The following HAL variants were observed in gnomAD, a reference collection of about 807,000 sequenced individuals.
HAL encodes the protein histidase.
A neutral mutation model predicts 81.1 loss-of-function variants in HAL; 85 were observed. That is an observed-to-expected ratio of 1.05 (90% CI 0.88 to 1.25). The LOEUF (loss-of-function observed/expected upper bound fraction) is 1.25, where lower values mean the gene tolerates loss of function less well. Ranked by LOEUF, HAL falls within the 50% of genes most tolerant of loss-of-function variation. The pLI, the probability that HAL is intolerant of heterozygous loss-of-function variation, is 0.00. For missense variants in HAL, 798 were observed against 836.6 expected (o/e 0.95, Z 0.57); for synonymous variants, 301 against 309.2 (o/e 0.97, Z 0.28).
chr12:95,976,754 T>C, intron 18 of HAL, 48 bp from the exon 19 acceptor site: 1 of 1,210,404 alleles, frequency 8.3e-7, no homozygotes, highest in Non-Finnish European at 1.2e-6. Flanking sequence ...TCTGACTTCA[T>C]GCTTAAGGAA....
intron 3 of HAL, 41 bp from the exon 4 acceptor site, chr12:95,994,866 A>C (rs888721149): frequency 6.3e-5 from 101 of 1,611,834 alleles, no homozygotes; most frequent in Admixed American, 1.5e-4. Context: ...GTGTGGAAAA[A>C]CCCCCAGCCC....
rs1314011240 is a variant in HAL at position 95,974,276 on chromosome 12, G to T, written c.1930C>A (p.Leu644Met). 10 of 1,613,862 alleles carry T rather than the reference G, an allele frequency of 6.2e-6. No homozygotes were observed. The highest frequency in any genetic ancestry group is 1.3e-5 in the African/African-American group (1 of 74,924). The change falls in exon 21 of 21, where the codon CTG becomes ATG. Residue 644 changes from leucine to methionine, a missense_variant. By Grantham distance (15) the Leu-to-Met change is conservative. Coordinates refer to ENST00000261208, the MANE Select transcript of HAL (RefSeq NM_002108.4). The stretch of plus-strand genomic sequence containing the variant: ...GGGATTTTGGTGGATTTCTTGTGCA[G>T]AAATTGCAGTGAAAAGGCTGTTGGA... Reference protein sequence around the residue: ...LSPTAFSLQFLHKKSTKIPES... With the variant: ...LSPTAFSLQFMHKKSTKIPES...
Position 95,986,084 on chromosome 12 carries a change from G to T in HAL, c.1128C>A (p.His376Gln). 6.2e-7 allele frequency: 1 copy of T among 1,611,494 alleles called. No homozygotes were observed. Among genetic ancestry groups the T allele is most frequent in the African/African-American group, 1.3e-5 (1 of 74,970 alleles). ...TCAGACCTGCTATTTCTGATGGGTG[G>T]TGATCTGAGTCCAAGAGTGACCGAA... is the stretch of plus-strand genomic sequence containing the variant. ...FRFRSLLDSD[H>Q]HPSEIAESHR... Residue 376 changes from histidine to glutamine, a missense_variant, in exon 13 of 21, where the codon CAC becomes CAA. Transcript: ENST00000261208.
At chr12:95,980,532 C>T in intron 17 of HAL, 24 bp downstream of exon 17, 1 of 1,610,654 alleles carries the variant, frequency 6.2e-7, no homozygotes, top group Non-Finnish European at 8.5e-7. Flanking sequence ...GGCGTGTGTT[C>T]TGGGAAAGGG....
intron 20 of HAL, 145 bp downstream of exon 20, chr12:95,976,284 T>C (rs762846137): frequency 6.7e-6 from 5 of 749,642 alleles, no homozygotes; most frequent in Non-Finnish European, 1.2e-5. Flanking sequence ...TTCTTAGTGG[T>C]GCTGCAAGTT....
At chr12:95,990,328 A>G in intron 10 of HAL, 65 bp downstream of exon 10, 2 of 1,316,474 alleles carry the variant, frequency 1.5e-6, no homozygotes, top group East Asian at 2.3e-5. Flanking sequence ...GATACGAAGC[A>G]TGCAAGCACA....
intron 9 of HAL, among the ~76,000 whole-genome samples, chr12:95,992,090 C>T (rs1308623463): frequency 6.6e-6 from 1 of 152,198 alleles, no homozygotes; most frequent in Non-Finnish European, 1.5e-5. Context: ...CACTGCAAAT[C>T]TGGTTTCCAC....
intron 20 of HAL, among the ~76,000 whole-genome samples, chr12:95,974,986 C>T (rs1352398412): frequency 1.3e-5 from 2 of 152,188 alleles, no homozygotes; most frequent in African/African-American, 4.8e-5. Flanking sequence ...GTGATCCACC[C>T]ACCACAGCTT....
intron 14 of HAL, 142 bp from the exon 15 acceptor site, chr12:95,984,133 A>ATACTATGTTCAT (rs138944431): frequency 0.17 from 111,371 of 639,466 alleles, 10,722 homozygotes; most frequent in Non-Finnish European, 0.21. Context: ...CATGGAAATT[A>ATACTATGTTCAT]TTTGAACTGA....
Position 95,973,905 on chromosome 12 carries a change from T to A in HAL, c.*327A>T. 2 of 236,574 alleles carry A rather than the reference T, an allele frequency of 8.5e-6. No individual in the cohort carries two copies. The highest frequency in any genetic ancestry group is 1.6e-5 in the Non-Finnish European group (2 of 122,078). The allele number at this position is 236,574 out of a possible 1,614,324, so 14.7% of individuals were successfully genotyped here. ...ATCTGTTTCCAAATTTGAATTCATC[T>A]AATGCTAAGAGTAAAAAACAGGCAC... On this transcript the variant is annotated 3_prime_UTR_variant, in exon 21 of 21. Coordinates refer to ENST00000261208, the MANE Select transcript of HAL (RefSeq NM_002108.4).
In HAL at chr12:95,973,956, C is replaced by G; in HGVS notation, c.*276G>C. ...ATACAATTGTGGTTATTCTTCTCACCCTTAAGAGTGAGTGGCCTGTTGAAA... is the reference window on the plus strand; with the variant it reads ...ATACAATTGTGGTTATTCTTCTCACGCTTAAGAGTGAGTGGCCTGTTGAAA... On this transcript the variant is annotated 3_prime_UTR_variant, in exon 21 of 21. Transcript: ENST00000261208. 3 of 486,670 alleles carry G rather than the reference C, an allele frequency of 6.2e-6. No homozygotes were observed. The highest frequency in any genetic ancestry group is 1.1e-5 in the Non-Finnish European group (3 of 268,822). The allele number at this position is 486,670 out of a possible 1,614,324, so 30.1% of individuals were successfully genotyped here.
At chr12:95,993,642 A>G in intron 7 of HAL, 130 bp downstream of exon 7, 1 of 821,678 alleles carries the variant, frequency 1.2e-6, no homozygotes, top group African/African-American at 1.7e-5. Context: ...ATACCAACTC[A>G]CATGCAAGGT....
chr12:95,977,774 G>T (rs117174307), intron 18 of HAL, among the ~76,000 whole-genome samples, 170 bp downstream of exon 18: 273 of 152,056 alleles, frequency 1.8e-3, no homozygotes, highest in Non-Finnish European at 2.7e-3. Flanking sequence ...AGATTGCTCC[G>T]CTCTCCTCCT....
At chr12:95,977,149 T>A (rs2080730491) in intron 18 of HAL, among the ~76,000 whole-genome samples, 1 of 152,156 alleles carries the variant, frequency 6.6e-6, no homozygotes, top group Non-Finnish European at 1.5e-5. Context: ...ATGCTTTACA[T>A]CTCGTGGTTT....
rs183059673 is a variant in HAL at position 95,978,004 on chromosome 12, C to T, written c.1594G>A (p.Val532Ile). 132 of 1,613,122 alleles carry T rather than the reference C, an allele frequency of 8.2e-5. No homozygotes were observed. The East Asian group carries it at 2.5e-3, about 30-fold the overall frequency. The change falls in exon 18 of 21, where the codon GTC (valine) becomes ATC (isoleucine). Residue 532 changes from valine (V) to isoleucine (I), a missense_variant. Transcript: ENST00000261208. The part of the protein sequence containing the change: ...LSTSAATEDH[V>I]SMGGWAARKA... ...CTTGCTGCCCATCCTCCCATGGAGA[C>T]GTGGTCCTCCGTGGCTGCGCTGGTG...
chr12:95,989,131 TC>T (rs1454492755), intron 10 of HAL, among the ~76,000 whole-genome samples: 6 of 152,190 alleles, frequency 3.9e-5, no homozygotes, highest in Non-Finnish European at 8.8e-5. Context: ...CACAAGGAAC[TC>T]GAGAGGTAGG....
rs71307533 is a variant in HAL at position 95,973,823 on chromosome 12, T to TAAAAAA, written c.*403_*408dup. ...GGTGGAGAGCTTGTTGAAGCAAATT[T>TAAAAAA]AAAAAAAAAAAAAAAGGTTAACAAA... On this transcript the variant is annotated 3_prime_UTR_variant, in exon 21 of 21. Transcript: ENST00000261208. 5 of 150,408 alleles carry TAAAAAA rather than the reference T, an allele frequency of 3.3e-5. No homozygotes were observed. Among genetic ancestry groups the TAAAAAA allele is most frequent in the Admixed American group, 1.9e-4 (3 of 15,628 alleles). 9.3% of individuals were successfully genotyped at this position (150,408 alleles called of 1,614,324 possible). A position where few individuals can be genotyped will look rare whatever the true frequency, so the allele number is the denominator to read the frequency against.
At chr12:95,979,483 A>T (rs372737745) in intron 17 of HAL, among the ~76,000 whole-genome samples, 9 of 152,186 alleles carry the variant, frequency 5.9e-5, no homozygotes, top group Admixed American at 3.9e-4. Context: ...TAAATTGAGG[A>T]TCAACAGGAT....
At position 95,987,136 on chromosome 12, in the gene HAL, G is replaced by A. The variant is rs369791382; in HGVS notation, c.982C>T (p.Arg328Trp). 5.9e-5 allele frequency: 95 copies of A among 1,612,662 alleles called. No individual in the cohort carries two copies. Among genetic ancestry groups the A allele is most frequent in the South Asian group, 1.8e-4 (16 of 91,064 alleles). The change falls in exon 12 of 21, where the codon CGG becomes TGG. Residue 328 changes from arginine to tryptophan, a missense_variant. Coordinates refer to ENST00000261208, the MANE Select transcript of HAL (RefSeq NM_002108.4). ...EAVERASAIA[R>W]QADIVAALTL... ...AGGGCTGCCACAATGTCAGCCTGCC[G>A]TGCAATAGCACTGGCTCGCTCTACA...
Sources: allele counts gnomAD v4.1 joint callset (sites outside exome capture counted in the v4.1 genomes callset), GRCh38; gene constraint gnomAD v4.1.1; transcripts MANE v1.5; gene names NCBI Gene and HGNC (gene_info 2026-07-23, HGNC 2026-07-21).